The following LPCAT2 variants were observed in gnomAD, a reference collection of about 807,000 sequenced individuals.
LPCAT2 encodes lysophosphatidylcholine acyltransferase 2.
LPCAT2 carries 58 observed loss-of-function variants against 64.7 expected under a neutral mutation model. The observed-to-expected ratio is 0.90, with a 90% CI of 0.73 to 1.12. LPCAT2 has a LOEUF of 1.12. Ranked by LOEUF, LPCAT2 falls within the 50% of genes most tolerant of loss-of-function variation. The probability of loss-of-function intolerance (pLI) is 0.00; values close to 1 mark genes in which losing one functional copy is unlikely to be tolerated. For synonymous variants in LPCAT2, 252 were observed against 245.3 expected, an observed-to-expected ratio of 1.03 and a Z score of -0.26; for missense variants, 579 against 669.8, an observed-to-expected ratio of 0.86 and a Z score of 1.50.
In LPCAT2 at chr16:55,584,092, AT is replaced by A. The variant is rs1456471543; in HGVS notation, c.*996del. 1 of 152,232 alleles carries A rather than the reference AT, an allele frequency of 6.6e-6. No individual in the cohort carries two copies. Among genetic ancestry groups the A allele is most frequent in the Non-Finnish European group, 1.5e-5 (1 of 68,032 alleles). 9.4% of individuals were successfully genotyped at this position (152,232 alleles called of 1,614,324 possible). A position where few individuals can be genotyped will look rare whatever the true frequency, so the allele number is the denominator to read the frequency against. On this transcript the variant is annotated 3_prime_UTR_variant, in exon 14 of 14. Coordinates refer to ENST00000262134, the MANE Select transcript of LPCAT2 (RefSeq NM_017839.5). ...TGCTATGGCCAGAAGGTAAATGGGA[AT>A]TGCCTTATTGAAGGTAACATTGATT...
chr16:55,535,514 G>T (rs934083137), intron 7 of LPCAT2, among the ~76,000 whole-genome samples: 1 of 152,024 alleles, frequency 6.6e-6, no homozygotes, highest in African/African-American at 2.4e-5. Context: ...CACAAATAAC[G>T]CCAAACATAA....
rs377563806 is a variant in LPCAT2, at chr16:55,583,074, T to C, written c.1611T>C (p.Ser537=). The change falls in exon 14 of 14, where the codon AGT becomes AGC. Residue 537 remains serine (S), a synonymous_variant. Transcript: ENST00000262134. ...TCAGCCCTGAAAAGCATGAAGAGAG[T>C]ACCTCAGACAAAAAAGATGACTGAA... ...NKVSPEKHEE[S]TSDKKDD is the part of the protein sequence containing the mutation. 33 of 1,612,216 alleles carry C rather than the reference T, an allele frequency of 2.0e-5. No individual in the cohort carries two copies. Among genetic ancestry groups the C allele is most frequent in the Non-Finnish European group, 2.8e-5 (33 of 1,179,176 alleles).
intron 8 of LPCAT2, chr16:55,538,431 G>C (rs1963351287): frequency 6.6e-6 from 1 of 152,122 alleles, no homozygotes; most frequent in East Asian, 1.9e-4. Flanking sequence ...TAGTGCCTAA[G>C]TGACAGGACT....
rs974457974 is a variant in LPCAT2 at position 55,584,943 on chromosome 16, T to C, written c.*1845T>C. Reference sequence around the variant, plus strand: ...GTGTCTGTCATATGCAATGAATGTATGTAATACTAAAAAATCATGACTACT... The same window carrying C: ...GTGTCTGTCATATGCAATGAATGTACGTAATACTAAAAAATCATGACTACT... On this transcript the variant is annotated 3_prime_UTR_variant, in exon 14 of 14. Coordinates refer to ENST00000262134, the MANE Select transcript of LPCAT2 (RefSeq NM_017839.5). The C allele has an allele frequency of 6.6e-6, 1 of 152,206 alleles. No individual in the cohort carries two copies. The highest frequency in any genetic ancestry group is 1.5e-5 in the Non-Finnish European group (1 of 68,018). The allele number at this position is 152,206 out of a possible 1,614,324, so 9.4% of individuals were successfully genotyped here.
intron 1 of LPCAT2, among the ~76,000 whole-genome samples, chr16:55,523,055 A>G (rs183677704): frequency 1.0e-3 from 152 of 151,868 alleles, no homozygotes; most frequent in African/African-American, 3.5e-3. Flanking sequence ...GCATATATTG[A>G]CAAAGGGCTT....
chr16:55,531,801 T>G, intron 4 of LPCAT2, 113 bp from the exon 5 acceptor site: 2 of 690,322 alleles, frequency 2.9e-6, no homozygotes, highest in Admixed American at 2.4e-5. Flanking sequence ...TAGCCTTTTA[T>G]TTTGTTTTTG....
intron 11 of LPCAT2, chr16:55,566,616 A>G (rs1212127761): frequency 1.2e-6 from 1 of 850,024 alleles, no homozygotes. Context: ...AGGATGTGAA[A>G]CATCACATCA....
At chr16:55,582,889 T>C (rs757077104) in intron 13 of LPCAT2, 25 bp from the exon 14 acceptor site, 3 of 1,511,440 alleles carry the variant, frequency 2.0e-6, no homozygotes, top group Non-Finnish European at 2.7e-6. Context: ...CCCAACTTAT[T>C]GGATTTTTTT....
At chr16:55,526,703 C>T (rs1164337901) in intron 2 of LPCAT2, among the ~76,000 whole-genome samples, 1 of 152,014 alleles carries the variant, frequency 6.6e-6, no homozygotes, top group Admixed American at 6.6e-5. Flanking sequence ...TTATGACTCA[C>T]CAATTCTTTT....
intron 1 of LPCAT2, among the ~76,000 whole-genome samples, chr16:55,520,441 C>G (rs1963079093): frequency 6.6e-6 from 1 of 151,944 alleles, no homozygotes; most frequent in South Asian, 2.1e-4. Context: ...GGTAACACAC[C>G]TTTCTTGGTA....
intron 1 of LPCAT2, among the ~76,000 whole-genome samples, chr16:55,510,940 T>C (rs1303578129): frequency 6.6e-6 from 1 of 152,212 alleles, no homozygotes; most frequent in Non-Finnish European, 1.5e-5. Context: ...ATTAAGTTTT[T>C]CCATCACCTG....
intron 4 of LPCAT2, among the ~76,000 whole-genome samples, 185 bp downstream of exon 4, chr16:55,530,132 C>T (rs956803838): frequency 1.3e-5 from 2 of 152,044 alleles, no homozygotes; most frequent in Admixed American, 6.6e-5. Context: ...ATGAGATACT[C>T]TATGGAATTA....
At chr16:55,524,150 A>C (rs1963136396) in intron 1 of LPCAT2, among the ~76,000 whole-genome samples, 1 of 151,918 alleles carries the variant, frequency 6.6e-6, no homozygotes, top group Non-Finnish European at 1.5e-5. Flanking sequence ...GGCTTTATTC[A>C]TAATAGCCCA....
At chr16:55,509,403 A>G (rs765729670) in intron 1 of LPCAT2, 51 bp downstream of exon 1, 5 of 1,123,100 alleles carry the variant, frequency 4.5e-6, no homozygotes, top group Non-Finnish European at 5.6e-6. Context: ...GGCCTAGGTC[A>G]GAGGGGGGTC....
intron 7 of LPCAT2, among the ~76,000 whole-genome samples, chr16:55,536,317 A>G (rs763593931): frequency 3.3e-5 from 5 of 152,198 alleles, no homozygotes; most frequent in Non-Finnish European, 7.3e-5. Flanking sequence ...TAGGGTGGAC[A>G]AGACAGGTTA....
intron 11 of LPCAT2, chr16:55,566,771 G>A (rs1231188219): frequency 1.2e-6 from 2 of 1,609,226 alleles, no homozygotes; most frequent in East Asian, 4.5e-5. Context: ...TTCTTGCAAA[G>A]GCTCTATTGG....
chr16:55,574,861 T>C (rs1596889160), intron 12 of LPCAT2, 132 bp downstream of exon 12: 1 of 646,734 alleles, frequency 1.5e-6, no homozygotes, highest in Non-Finnish European at 2.7e-6. Flanking sequence ...AGGACAATAA[T>C]GTGATTAAGT....
In LPCAT2 at chr16:55,517,467, A is replaced by G. The variant is rs376229593; in HGVS notation, c.172-8041A>G. ...AAGCTCTTCCAAAAAATAAAAGAAG[A>G]TGGAGCACTCCCCAACTCATTCTGT... On this transcript the variant is annotated intron_variant, in intron 1 of 13. Coordinates refer to ENST00000262134, the MANE Select transcript of LPCAT2 (RefSeq NM_017839.5). Among the ~76,000 whole-genome samples, 7 of 152,260 alleles carry G rather than the reference A, an allele frequency of 4.6e-5. No homozygotes were observed. In the East Asian group the frequency reaches 1.2e-3, roughly 25 times the overall value.
At chr16:55,530,194 G>A (rs1287454513) in intron 4 of LPCAT2, among the ~76,000 whole-genome samples, 1 of 151,834 alleles carries the variant, frequency 6.6e-6, no homozygotes, top group Non-Finnish European at 1.5e-5. Flanking sequence ...TTTTCTCTTT[G>A]TGTTACAAAA....
Sources: gnomAD v4.1 joint callset for allele counts (sites outside exome capture counted in the v4.1 genomes callset) on GRCh38, gnomAD v4.1.1 for gene constraint, MANE v1.5 for transcripts, NCBI Gene and HGNC (gene_info 2026-07-23, HGNC 2026-07-21) for gene names.